CYLC2: variants seen among roughly 807,000 people sequenced by gnomAD.
CYLC2 encodes the protein cylicin-2.
CYLC2 carries 30 observed loss-of-function variants against 26.1 expected under a neutral mutation model. The observed-to-expected ratio is 1.15, with a 90% CI of 0.86 to 1.56. CYLC2 has a LOEUF of 1.56. Among genes scored for constraint, CYLC2 ranks in the 40% most tolerant of loss-of-function variants. The pLI is 0.00. For synonymous variants in CYLC2, 158 were observed against 132.8 expected (o/e 1.19, Z -1.31); for missense variants, 498 against 394.4 (o/e 1.26, Z -2.23).
chr9:102,999,479 T>G (rs1587850018), intron 1 of CYLC2, among the ~76,000 whole-genome samples: 1 of 151,848 alleles, frequency 6.6e-6, no homozygotes, highest in African/African-American at 2.4e-5. Flanking sequence ...TATTGCTTTA[T>G]GAAACAAAAT....
In CYLC2 at chr9:103,005,015, A is replaced by G. The variant is rs1829325409; in HGVS notation, c.384A>G (p.Thr128=). The change falls in exon 5 of 8, where the codon ACA becomes ACG. Residue 128 remains threonine, a synonymous_variant. Coordinates refer to ENST00000374798, the MANE Select transcript of CYLC2 (RefSeq NM_001340.5). ...GEDKTTQKDT[T]DSESELKQGK... ...ACAAGACAACACAGAAGGACACAAC[A>G]GATTCGGAATCAGAATTAAAACAAG... The G allele has an allele frequency of 1.9e-6, 3 of 1,593,724 alleles. No individual in the cohort carries two copies. In the African/African-American group the frequency reaches 4.1e-5, roughly 22 times the overall value.
chr9:103,014,503 A>ATG (rs1303872369), intron 6 of CYLC2, among the ~76,000 whole-genome samples: 4 of 141,020 alleles, frequency 2.8e-5, no homozygotes, highest in Admixed American at 7.4e-5. Flanking sequence ...TATACATAAT[A>ATG]TATGTAATAT....
chr9:103,007,194 G>A (rs1829361733), intron 5 of CYLC2, among the ~76,000 whole-genome samples: 1 of 152,048 alleles, frequency 6.6e-6, no homozygotes, highest in Non-Finnish European at 1.5e-5. Flanking sequence ...AAAGAACATG[G>A]AGAGACAACG....
At position 103,010,213 on chromosome 9, in the gene CYLC2, A is replaced by C. The variant is rs571910091; in HGVS notation, c.*701-1769A>C. ...TACCAAGTTAATTATGTACCAAGTG[A>C]AAAGTTTTATACCAAATTACTTTAT... On this transcript the variant is annotated intron_variant, in intron 5 of 7. Transcript: ENST00000374798. 2.6e-5 allele frequency among the ~76,000 whole-genome samples: 4 copies of C among 152,204 alleles called. No homozygotes were observed. In the South Asian group the frequency reaches 8.3e-4, roughly 32 times the overall value.
At chr9:103,001,649 C>T (rs1338909136) in intron 2 of CYLC2, 31 bp downstream of exon 2, 1 of 1,405,768 alleles carries the variant, frequency 7.1e-7, no homozygotes, top group Admixed American at 1.8e-5. Flanking sequence ...TATTACAAAA[C>T]AGGTGTGCTT....
rs1829325380 is a variant in CYLC2, at chr9:103,005,013, A to G, written c.382A>G (p.Thr128Ala). 3.1e-6 allele frequency: 5 copies of G among 1,593,954 alleles called. No individual in the cohort carries two copies. The highest frequency in any genetic ancestry group is 1.1e-5 in the South Asian group (1 of 87,572). ...AGACAAGACAACACAGAAGGACACAACAGATTCGGAATCAGAATTAAAACA... is the reference window on the plus strand; with the variant it reads ...AGACAAGACAACACAGAAGGACACAGCAGATTCGGAATCAGAATTAAAACA... ...GEDKTTQKDT[T>A]DSESELKQGK... The change falls in exon 5 of 8, where the codon ACA (threonine) becomes GCA (alanine). Residue 128 changes from threonine (T) to alanine (A), a missense_variant. Physicochemically the swap from Thr to Ala is moderately conservative, Grantham distance 58. Coordinates refer to ENST00000374798, the MANE Select transcript of CYLC2 (RefSeq NM_001340.5).
chr9:103,007,691 C>T (rs924989873), intron 5 of CYLC2, among the ~76,000 whole-genome samples: 61 of 152,052 alleles, frequency 4.0e-4, no homozygotes, highest in Admixed American at 4.0e-3. Context: ...TTAACATTTT[C>T]TTAAATAAAC....
chr9:103,015,125 CG>C (rs1829483797), intron 6 of CYLC2, among the ~76,000 whole-genome samples: 1 of 11,648 alleles, frequency 8.6e-5, no homozygotes, highest in Non-Finnish European at 1.6e-4. Flanking sequence ...ATGTATATCA[CG>C]TGATATACAT....
At chr9:103,003,028 T>C (rs1225050987) in intron 2 of CYLC2, 114 bp from the exon 3 acceptor site, 36 of 1,175,734 alleles carry the variant, frequency 3.1e-5, no homozygotes, top group Non-Finnish European at 3.8e-5. Flanking sequence ...AATGAAGTCA[T>C]AATTTGAATC....
chr9:102,995,799 G>A (rs1829231030), intron 1 of CYLC2, among the ~76,000 whole-genome samples: 1 of 151,810 alleles, frequency 6.6e-6, no homozygotes, highest in Admixed American at 6.6e-5. Flanking sequence ...TTTTAGAGGA[G>A]GCATTATATC....
intron 1 of CYLC2, among the ~76,000 whole-genome samples, chr9:102,997,828 A>T (rs1383430514): frequency 6.6e-6 from 1 of 151,982 alleles, no homozygotes; most frequent in African/African-American, 2.4e-5. Flanking sequence ...TATAACCCAG[A>T]CTAAAAGGAA....
At chr9:103,001,503 G>A (rs1829288613) in intron 1 of CYLC2, 75 bp from the exon 2 acceptor site, 2 of 832,272 alleles carry the variant, frequency 2.4e-6, no homozygotes, top group South Asian at 1.6e-5. Flanking sequence ...TGCAGGTACT[G>A]GAGTAAAATA....
chr9:103,006,017 GACACACACACACACACACACAC>G lies in CYLC2; in HGVS notation c.*373_*394del, dbSNP rs201304746. The stretch of plus-strand genomic sequence containing the variant: ...TGAAGATAATGACACTAAATCTATG[GACACACACACACACACACACAC>G]ACACACACACACACACACACACACA... On this transcript the variant is annotated 3_prime_UTR_variant, in exon 5 of 8. Coordinates refer to ENST00000374798, the MANE Select transcript of CYLC2 (RefSeq NM_001340.5). The G allele has an allele frequency of 4.5e-3, 545 of 120,060 alleles. 4 individuals carry two copies. Among genetic ancestry groups the G allele is most frequent in the African/African-American group, 9.7e-3 (284 of 29,162 alleles). The allele number at this position is 120,060 out of a possible 1,614,324, so 7.4% of individuals were successfully genotyped here.
chr9:103,015,417 A>G (rs1829491847), intron 6 of CYLC2, among the ~76,000 whole-genome samples: 1 of 134,250 alleles, frequency 7.4e-6, no homozygotes, highest in South Asian at 2.1e-4. Flanking sequence ...TATATTATAT[A>G]TTATAATTAT....
chr9:103,015,339 G>T (rs1829488794), intron 6 of CYLC2, among the ~76,000 whole-genome samples: 1 of 121,704 alleles, frequency 8.2e-6, no homozygotes, highest in African/African-American at 3.3e-5. Context: ...AATATATTAT[G>T]TTATATATAT....
intron 6 of CYLC2, among the ~76,000 whole-genome samples, chr9:103,013,516 T>A (rs1183175003): frequency 1.8e-5 from 2 of 112,082 alleles, no homozygotes; most frequent in African/African-American, 7.3e-5. Context: ...TTGTAAGAAA[T>A]AAATTATATT....
chr9:103,003,862 A>T (rs1361819864), intron 3 of CYLC2, among the ~76,000 whole-genome samples: 2 of 152,146 alleles, frequency 1.3e-5, no homozygotes, highest in East Asian at 3.9e-4. Flanking sequence ...AGAATTCAGG[A>T]CTCAGAGTAT....
chr9:103,006,965 T>C (rs1829358702), intron 5 of CYLC2, among the ~76,000 whole-genome samples: 1 of 152,108 alleles, frequency 6.6e-6, no homozygotes. Context: ...CTTATGTCAA[T>C]TAGCAAGATT....
At chr9:103,011,166 A>G (rs747449861) in intron 5 of CYLC2, among the ~76,000 whole-genome samples, 8 of 152,122 alleles carry the variant, frequency 5.3e-5, no homozygotes, top group African/African-American at 9.7e-5. Context: ...ATATACGCAC[A>G]TACAAATAAA....
Sources: allele counts gnomAD v4.1 joint callset (sites outside exome capture counted in the v4.1 genomes callset), GRCh38; gene constraint gnomAD v4.1.1; transcripts MANE v1.5; gene names NCBI Gene and HGNC (gene_info 2026-07-23, HGNC 2026-07-21).